The following RRM1 variants were observed in gnomAD, a reference collection of about 807,000 sequenced individuals.
The protein encoded by RRM1 is ribonucleotide reductase catalytic subunit M1.
RRM1 carries 19 observed loss-of-function variants against 101.5 expected under a neutral mutation model. The ratio of observed to expected loss-of-function variants is 0.19; its 90% CI spans 0.13 to 0.27. The LOEUF is 0.27. Ranked by LOEUF, RRM1 falls within the 10% of genes least tolerant of loss-of-function variation. The probability of loss-of-function intolerance (pLI) is 1.00; values close to 1 mark genes in which losing one functional copy is unlikely to be tolerated. For missense variants in RRM1, 500 were observed against 962.9 expected, an observed-to-expected ratio of 0.52 and a Z score of 6.36; for synonymous variants, 298 against 323.4, an observed-to-expected ratio of 0.92 and a Z score of 0.84.
chr11:4,138,260 A>G lies in RRM1; in HGVS notation c.2256A>G (p.Leu752=). The G allele has an allele frequency of 6.2e-7, 1 of 1,607,430 alleles. No individual in the cohort carries two copies. Among genetic ancestry groups the G allele is most frequent in the Non-Finnish European group, 8.5e-7 (1 of 1,174,036 alleles). The part of the protein sequence containing the change: ...RPAANPIQFT[L]NKEKLKDKEK... ...CGGCTAATCCAATCCAGTTCACTCT[A>G]AATAAGGAGAAGCTAAAAGATAAAG... is the stretch of plus-strand genomic sequence containing the variant. Residue 752 remains leucine (L), a synonymous_variant, in exon 19 of 19, where the codon CTA becomes CTG. Transcript: ENST00000300738.
In RRM1 at chr11:4,120,791, A is replaced by G. The variant is rs191588984; in HGVS notation, c.877-813A>G. 5.3e-4 allele frequency among the ~76,000 whole-genome samples: 80 copies of G among 152,296 alleles called. 1 individual carries two copies. Among genetic ancestry groups the G allele is most frequent in the African/African-American group, 1.8e-3 (73 of 41,572 alleles). On this transcript the variant is annotated intron_variant, in intron 9 of 18. Coordinates refer to ENST00000300738, the MANE Select transcript of RRM1 (RefSeq NM_001033.5). The stretch of plus-strand genomic sequence containing the variant: ...GAGGCTGAGGTGGGCTGATCGTGTA[A>G]GCTCACAAGTTCAAGACCACGAGTT...
intron 15 of RRM1, among the ~76,000 whole-genome samples, chr11:4,130,084 A>ATT (rs1455847256): frequency 3.1e-5 from 3 of 98,020 alleles, no homozygotes; most frequent in Admixed American, 1.0e-4. Flanking sequence ...ATATATATAT[A>ATT]TATTTTTTTT....
intron 1 of RRM1, among the ~76,000 whole-genome samples, chr11:4,098,415 CTCCT>C (rs1176661396): frequency 5.0e-5 from 6 of 118,932 alleles, no homozygotes; most frequent in African/African-American, 1.2e-4. Flanking sequence ...CCGTCCCTTC[CTCCT>C]TCCTTCCTTC....
At chr11:4,098,397 C>G (rs1801297311) in intron 1 of RRM1, among the ~76,000 whole-genome samples, 1 of 142,200 alleles carries the variant, frequency 7.0e-6, no homozygotes, top group Non-Finnish European at 1.5e-5. Context: ...CTCCCTCTCC[C>G]CCTCCCTCCG....
At chr11:4,126,458 T>C (rs2094589703) in intron 12 of RRM1, among the ~76,000 whole-genome samples, 1 of 152,028 alleles carries the variant, frequency 6.6e-6, no homozygotes, top group Admixed American at 6.5e-5. Context: ...CTCTCTCTCT[T>C]ACCTATTTTG....
chr11:4,102,240 T>C (rs2094552602), intron 2 of RRM1, among the ~76,000 whole-genome samples, 159 bp downstream of exon 2: 1 of 152,218 alleles, frequency 6.6e-6, no homozygotes, highest in Non-Finnish European at 1.5e-5. Flanking sequence ...TTTTTTTTCC[T>C]TAATTTTGGT....
rs376809074 is a variant in RRM1, at chr11:4,131,072, T to C, written c.1770-1214T>C. Among the ~76,000 whole-genome samples, 60 of 152,328 alleles carry C rather than the reference T, an allele frequency of 3.9e-4. No individual in the cohort carries two copies. In the South Asian group the frequency reaches 0.011, roughly 27 times the overall value. ...TAAAGAACTGCCTGAGACTGGGTAA[T>C]TTAAAAAGGAAAGAGGTTTAATTGA... is the stretch of plus-strand genomic sequence containing the variant. On this transcript the variant is annotated intron_variant, in intron 15 of 18. Coordinates refer to ENST00000300738, the MANE Select transcript of RRM1 (RefSeq NM_001033.5).
At chr11:4,099,676 AGG>A (rs1565178012) in intron 1 of RRM1, among the ~76,000 whole-genome samples, 1 of 152,106 alleles carries the variant, frequency 6.6e-6, no homozygotes, top group Non-Finnish European at 1.5e-5. Context: ...AAACTAAGAA[AGG>A]CTTTGCTTGA....
chr11:4,122,036 T>G, intron 10 of RRM1, 105 bp from the exon 11 acceptor site: 1 of 901,626 alleles, frequency 1.1e-6, no homozygotes, highest in South Asian at 1.8e-5. Context: ...TACAGCAAAT[T>G]TCCAAGAGAG....
chr11:4,113,118 A>G (rs889112169), intron 7 of RRM1, among the ~76,000 whole-genome samples: 14 of 29,598 alleles, frequency 4.7e-4, no homozygotes, highest in Admixed American at 2.3e-3. Flanking sequence ...GTAATACATT[A>G]AAAAAAAAAA....
At chr11:4,137,400 T>TCACACCCCCACCTCCCTCCCG (rs2094613258) in intron 18 of RRM1, 1 of 142,812 alleles carries the variant, frequency 7.0e-6, no homozygotes, top group African/African-American at 3.1e-5. Context: ...GGCGGGGGGC[T>TCACACCCCCACCTCCCTCCCG]GACCCCCCAC....
intron 2 of RRM1, among the ~76,000 whole-genome samples, chr11:4,104,394 AAC>A (rs2094555748): frequency 6.6e-6 from 1 of 152,172 alleles, no homozygotes; most frequent in Non-Finnish European, 1.5e-5. Context: ...TCAGCTGGGA[AAC>A]ACATTTATTT....
At chr11:4,133,751 A>G (rs959476155) in intron 17 of RRM1, 93 bp downstream of exon 17, 2 of 693,844 alleles carry the variant, frequency 2.9e-6, no homozygotes, top group African/African-American at 3.6e-5. Context: ...GAATGACTTC[A>G]TTGTGTTCAT....
At chr11:4,113,003 A>G (rs2094567704) in intron 7 of RRM1, among the ~76,000 whole-genome samples, 3 of 152,304 alleles carry the variant, frequency 2.0e-5, no homozygotes, top group Admixed American at 2.0e-4. Flanking sequence ...TAGGCTGTCA[A>G]ATTGACAGAA....
intron 18 of RRM1, among the ~76,000 whole-genome samples, chr11:4,135,700 C>G (rs569336320): frequency 2.0e-5 from 3 of 152,166 alleles, no homozygotes; most frequent in African/African-American, 7.2e-5. Flanking sequence ...CACGTCAACC[C>G]GCTATTCAAA....
chr11:4,135,089 C>T lies in RRM1; in HGVS notation c.2009C>T (p.Pro670Leu), dbSNP rs755506005. ...TGGGTTTTCCTTCTTTAGAGCATAC[C>T]AGAAATTCCTGATGACCTGAAGCAA... is the stretch of plus-strand genomic sequence containing the variant. ...IACNGSIQSI[P>L]EIPDDLKQLY... The change falls in exon 18 of 19, where the codon CCA becomes CTA. Residue 670 changes from proline (P) to leucine (L), a missense_variant. Pro to Leu is a moderately conservative substitution (Grantham distance 98, BLOSUM62 -3). Transcript: ENST00000300738. 3.3e-5 allele frequency: 53 copies of T among 1,606,356 alleles called. No individual in the cohort carries two copies. The highest frequency in any genetic ancestry group is 5.0e-5 in the Admixed American group (3 of 59,440).
At chr11:4,136,951 A>G (rs1006452267) in intron 18 of RRM1, among the ~76,000 whole-genome samples, 1 of 151,142 alleles carries the variant, frequency 6.6e-6, no homozygotes, top group African/African-American at 2.4e-5. Flanking sequence ...GGTACTTGAG[A>G]TTAGGGAGTG....
rs2094586636 is a variant in RRM1, at chr11:4,124,617, C to T, written c.1320+1233C>T. 2.0e-5 allele frequency among the ~76,000 whole-genome samples: 3 copies of T among 152,184 alleles called. No homozygotes were observed. The South Asian group carries it at 6.2e-4, about 32-fold the overall frequency. ...GATTATATTATAGAGGCTAGAGTGA[C>T]ATTTTTAAAATAAAAATCAGATAAT... On this transcript the variant is annotated intron_variant, in intron 12 of 18. Transcript: ENST00000300738.
intron 2 of RRM1, among the ~76,000 whole-genome samples, chr11:4,102,660 A>G (rs1211519807): frequency 1.3e-5 from 2 of 152,158 alleles, no homozygotes; most frequent in African/African-American, 2.4e-5. Context: ...TCAAAAAAAA[A>G]AAAAAAAGGG....
Sources: allele counts gnomAD v4.1 joint callset (sites outside exome capture counted in the v4.1 genomes callset), GRCh38; gene constraint gnomAD v4.1.1; transcripts MANE v1.5; gene names NCBI Gene and HGNC (gene_info 2026-07-23, HGNC 2026-07-21).